Variants in DOCK2 observed in about 807,000 individuals in gnomAD.
DOCK2 encodes dedicator of cytokinesis 2.
In DOCK2, 87 loss-of-function variants were observed where a neutral mutation model predicts 248.9. The ratio of observed to expected loss-of-function variants is 0.35; its 90% confidence interval spans 0.29 to 0.42. DOCK2 has a LOEUF of 0.42. DOCK2 is among the 10% of genes least tolerant of loss of function. The pLI is 1.00. For missense variants in DOCK2, 1,747 were observed against 2,300.2 expected (o/e 0.76, Z 4.92); for synonymous variants, 805 against 821.6 (o/e 0.98, Z 0.35).
intron 27 of DOCK2, among the ~76,000 whole-genome samples, chr5:169,950,400 A>C (rs146271491): frequency 4.8e-4 from 73 of 152,380 alleles, no homozygotes; most frequent in African/African-American, 1.7e-3. Context: ...TTATCTCAGC[A>C]TAACAGTCTT....
At chr5:170,006,524 G>A (rs2113807751) in intron 30 of DOCK2, among the ~76,000 whole-genome samples, 1 of 152,234 alleles carries the variant, frequency 6.6e-6, no homozygotes, top group African/African-American at 2.4e-5. Flanking sequence ...TGTAGGTCAG[G>A]CTGGTCTCGA....
intron 27 of DOCK2, among the ~76,000 whole-genome samples, chr5:169,872,422 A>G (rs1772037980): frequency 6.6e-6 from 1 of 152,206 alleles, no homozygotes; most frequent in Non-Finnish European, 1.5e-5. Context: ...ACTTTCTCCT[A>G]ATGACAAGTT....
intron 27 of DOCK2, among the ~76,000 whole-genome samples, chr5:169,974,392 T>C (rs6869158): frequency 0.27 from 40,908 of 152,156 alleles, 5,866 homozygotes; most frequent in Middle Eastern, 0.34. Context: ...TTTTTCTTCC[T>C]TTGTTATGGC....
At chr5:169,818,783 G>A (rs1351364424) in intron 26 of DOCK2, among the ~76,000 whole-genome samples, 1 of 152,050 alleles carries the variant, frequency 6.6e-6, no homozygotes, top group Non-Finnish European at 1.5e-5. Context: ...CTTTGAGACA[G>A]CAATGAGAGA....
intron 26 of DOCK2, among the ~76,000 whole-genome samples, chr5:169,833,541 AG>A (rs1301441687): frequency 6.6e-6 from 1 of 152,218 alleles, no homozygotes; most frequent in Non-Finnish European, 1.5e-5. Flanking sequence ...GGTGAAGGAA[AG>A]GAAGGAGCTC....
chr5:169,965,744 T>C (rs910992904), intron 27 of DOCK2, among the ~76,000 whole-genome samples: 1 of 152,186 alleles, frequency 6.6e-6, no homozygotes, highest in African/African-American at 2.4e-5. Context: ...TTATAGACTT[T>C]CAGAATTTGG....
intron 26 of DOCK2, among the ~76,000 whole-genome samples, chr5:169,838,953 C>T (rs138398281): frequency 1.0e-3 from 152 of 152,304 alleles, no homozygotes; most frequent in African/African-American, 3.5e-3. Context: ...TGGCCCTACC[C>T]CAACTGCAAA....
intron 27 of DOCK2, among the ~76,000 whole-genome samples, chr5:169,907,021 C>T (rs945529789): frequency 1.3e-5 from 2 of 152,120 alleles, no homozygotes; most frequent in Non-Finnish European, 2.9e-5. Flanking sequence ...AGAGCAGGGT[C>T]CCTGCTCTCA....
rs146744151 is a variant in DOCK2, at chr5:169,639,462, C to G, written c.43+2093C>G. On this transcript the variant is annotated intron_variant, in intron 1 of 51. Transcript: ENST00000520908. ...AACCAAGCTGCAAGTTTATTTCTGT[C>G]TCTCATGGAAAGCTCAGAAATGGTC... 3.7e-3 allele frequency among the ~76,000 whole-genome samples: 569 copies of G among 152,318 alleles called. 1 individual carries two copies. The highest frequency in any genetic ancestry group is 6.1e-3 in the Non-Finnish European group (413 of 68,032).
At chr5:169,896,426 G>T (rs914314331) in intron 27 of DOCK2, among the ~76,000 whole-genome samples, 1 of 152,154 alleles carries the variant, frequency 6.6e-6, no homozygotes. Context: ...CTGCATCTTT[G>T]TTGGAGGGTA....
intron 27 of DOCK2, among the ~76,000 whole-genome samples, chr5:169,854,360 A>G (rs1268762197): frequency 3.3e-5 from 5 of 151,532 alleles, no homozygotes; most frequent in Admixed American, 6.6e-5. Context: ...TAATTTTTGT[A>G]TTTTAGTAGA....
At chr5:169,755,430 G>T (rs902900284) in intron 23 of DOCK2, among the ~76,000 whole-genome samples, 1 of 152,160 alleles carries the variant, frequency 6.6e-6, no homozygotes, top group Non-Finnish European at 1.5e-5. Context: ...ATGAAGAATG[G>T]TAGTAATAAT....
At chr5:169,790,570 T>G (rs1454943673) in intron 25 of DOCK2, among the ~76,000 whole-genome samples, 1 of 152,242 alleles carries the variant, frequency 6.6e-6, no homozygotes, top group Non-Finnish European at 1.5e-5. Flanking sequence ...AGATAATAGC[T>G]TTAAGTCCAC....
chr5:169,848,717 G>A (rs17646113), intron 27 of DOCK2, among the ~76,000 whole-genome samples: 16,799 of 152,166 alleles, frequency 0.11, 1,027 homozygotes, highest in African/African-American at 0.15. Context: ...TAATTACCCC[G>A]GTTTTCACAG....
At chr5:169,882,559 G>C in intron 27 of DOCK2, 1 of 1,544,738 alleles carries the variant, frequency 6.5e-7, no homozygotes, top group African/African-American at 1.4e-5. Context: ...TTACCCTTCA[G>C]TGAGAGCTCG....
intron 22 of DOCK2, among the ~76,000 whole-genome samples, chr5:169,724,475 C>T (rs1016604767): frequency 2.0e-5 from 3 of 152,138 alleles, no homozygotes; most frequent in Non-Finnish European, 4.4e-5. Context: ...AAAAATTGCA[C>T]TCTGTGTCCT....
intron 25 of DOCK2, among the ~76,000 whole-genome samples, chr5:169,782,725 C>T (rs576171547): frequency 6.6e-6 from 1 of 152,224 alleles, no homozygotes; most frequent in African/African-American, 2.4e-5. Context: ...CCCATCCTTG[C>T]CTAGAGGGGA....
At chr5:169,860,115 G>C (rs1771112938) in intron 27 of DOCK2, among the ~76,000 whole-genome samples, 1 of 151,674 alleles carries the variant, frequency 6.6e-6, no homozygotes, top group African/African-American at 2.4e-5. Flanking sequence ...AGAGGTGTGA[G>C]CCACACTCTT....
At chr5:169,648,480 G>T (rs1292999401) in intron 1 of DOCK2, among the ~76,000 whole-genome samples, 1 of 152,140 alleles carries the variant, frequency 6.6e-6, no homozygotes, top group African/African-American at 2.4e-5. Flanking sequence ...CCATAAGGTT[G>T]TTATCATGAT....
Sources: gnomAD v4.1 joint callset for allele counts (sites outside exome capture counted in the v4.1 genomes callset) on GRCh38, gnomAD v4.1.1 for gene constraint, MANE v1.5 for transcripts, NCBI Gene and HGNC (gene_info 2026-07-23, HGNC 2026-07-21) for gene names.